BLTP3B: variants seen among roughly 807,000 people sequenced by gnomAD.
BLTP3B encodes the protein bridge-like lipid transfer protein family member 3B.
At chr12:100,052,743 G>T in the BLTP3B span, among the ~76,000 whole-genome samples, 1 of 150,134 alleles carries the variant, frequency 6.7e-6, no homozygotes, top group Non-Finnish European at 1.5e-5. Context: ...GCAGTACAGT[G>T]GAAAACAACA....
chr12:100,091,274 C>G, the BLTP3B span, among the ~76,000 whole-genome samples: 14 of 148,198 alleles, frequency 9.4e-5, no homozygotes, highest in East Asian at 2.3e-3. Flanking sequence ...ACCGCAACCT[C>G]TGCTTCCCAG....
chr12:100,135,282 T>G, the BLTP3B span, among the ~76,000 whole-genome samples: 1 of 88,508 alleles, frequency 1.1e-5, no homozygotes, highest in Non-Finnish European at 2.1e-5. Flanking sequence ...TCTTTCTTTC[T>G]TTTTTTTTTG....
chr12:100,140,389 T>C, the BLTP3B span, among the ~76,000 whole-genome samples: 3 of 151,214 alleles, frequency 2.0e-5, no homozygotes, highest in Non-Finnish European at 4.4e-5. Context: ...CACACAGCTA[T>C]TACAAATCAT....
At chr12:100,121,388 TA>T in the BLTP3B span, among the ~76,000 whole-genome samples, 1 of 145,760 alleles carries the variant, frequency 6.9e-6, no homozygotes. Context: ...AAATGCAAAC[TA>T]ACCTAAGTGA....
chr12:100,105,927 A>C, the BLTP3B span, among the ~76,000 whole-genome samples: 1 of 152,182 alleles, frequency 6.6e-6, no homozygotes, highest in East Asian at 1.9e-4. Context: ...AAGAAGATAT[A>C]CAAATGGCCA....
chr12:100,115,999 T>C, the BLTP3B span, among the ~76,000 whole-genome samples: 1 of 151,884 alleles, frequency 6.6e-6, no homozygotes, highest in African/African-American at 2.4e-5. Context: ...TGAAATCCCA[T>C]CTCTACTAAA....
chr12:100,132,398 A>G, the BLTP3B span, among the ~76,000 whole-genome samples: 3 of 152,146 alleles, frequency 2.0e-5, no homozygotes, highest in Non-Finnish European at 4.4e-5. Context: ...ATGGGGGCAG[A>G]TTCTTCATAA....
chr12:100,130,987 GAGAGAGAGAGA>G, the BLTP3B span, among the ~76,000 whole-genome samples: 13,605 of 76,184 alleles, frequency 0.18, 1,331 homozygotes, highest in African/African-American at 0.42. Flanking sequence ...GGGAGGGAGA[GAGAGAGAGAGA>G]GAGAGAGAGA....
the BLTP3B span, among the ~76,000 whole-genome samples, chr12:100,115,649 A>G: frequency 6.6e-6 from 1 of 152,060 alleles, no homozygotes; most frequent in Non-Finnish European, 1.5e-5. Context: ...ACACGCCTGT[A>G]GCTACCTGGG....
At chr12:100,117,461 G>C in the BLTP3B span, among the ~76,000 whole-genome samples, 11 of 152,044 alleles carry the variant, frequency 7.2e-5, no homozygotes, top group African/African-American at 2.2e-4. Flanking sequence ...ATTACCTGCA[G>C]AACTTTTTAT....
the BLTP3B span, among the ~76,000 whole-genome samples, chr12:100,139,348 T>C: frequency 3.3e-5 from 5 of 152,226 alleles, no homozygotes; most frequent in Admixed American, 2.0e-4. Context: ...CAGGCAAAGA[T>C]GGTTTTAATC....
chr12:100,120,061 C>G, the BLTP3B span, among the ~76,000 whole-genome samples: 1 of 152,164 alleles, frequency 6.6e-6, no homozygotes, highest in Non-Finnish European at 1.5e-5. Context: ...ATTCTTACAA[C>G]TTGAAAGTAA....
the BLTP3B span, chr12:100,084,730 C>A: frequency 7.0e-7 from 1 of 1,425,480 alleles, no homozygotes; most frequent in Non-Finnish European, 9.4e-7. Context: ...GTAATGCTTC[C>A]AATGAGATTT....
the BLTP3B span, chr12:100,095,902 TA>T: frequency 1.5e-5 from 21 of 1,356,922 alleles, no homozygotes; most frequent in Non-Finnish European, 2.1e-5. Flanking sequence ...ACGCTTGTAT[TA>T]AAAAATGTTT....
At chr12:100,141,259 G>A in the BLTP3B span, among the ~76,000 whole-genome samples, 39 of 152,120 alleles carry the variant, frequency 2.6e-4, no homozygotes, top group African/African-American at 8.9e-4. Context: ...CGAGGACCGC[G>A]GATCACCTGA....
the BLTP3B span, among the ~76,000 whole-genome samples, chr12:100,101,490 TGAG>T: frequency 1.3e-5 from 2 of 152,184 alleles, no homozygotes; most frequent in African/African-American, 2.4e-5. Flanking sequence ...TTACGCAATA[TGAG>T]GAGGCATTAA....
At chr12:100,095,427 C>T in the BLTP3B span, among the ~76,000 whole-genome samples, 15 of 152,048 alleles carry the variant, frequency 9.9e-5, no homozygotes, top group African/African-American at 3.4e-4. Context: ...ATTAAAACAT[C>T]GAATACTTTT....
the BLTP3B span, among the ~76,000 whole-genome samples, chr12:100,075,705 T>G: frequency 6.6e-6 from 1 of 152,188 alleles, no homozygotes; most frequent in Non-Finnish European, 1.5e-5. Context: ...AAAGAAGACA[T>G]ATGTGCAGCC....
the BLTP3B span, among the ~76,000 whole-genome samples, chr12:100,072,108 A>G: frequency 6.6e-6 from 1 of 152,278 alleles, no homozygotes; most frequent in African/African-American, 2.4e-5. Flanking sequence ...TAAAACACAG[A>G]AAAATTAGCT....
Sources: gnomAD v4.1 joint callset for allele counts (sites outside exome capture counted in the v4.1 genomes callset) on GRCh38, gnomAD v4.1.1 for gene constraint, MANE v1.5 for transcripts, NCBI Gene and HGNC (gene_info 2026-07-23, HGNC 2026-07-21) for gene names.